Variants in ATP8B4 observed in about 807,000 individuals in gnomAD.
ATP8B4 encodes ATPase phospholipid transporting 8B4 (putative).
ATP8B4 carries 133 observed loss-of-function variants against 145.6 expected under a neutral mutation model. The observed-to-expected ratio is 0.91, with a 90% confidence interval of 0.79 to 1.05. The LOEUF (loss-of-function observed/expected upper bound fraction) is 1.05, where lower values mean the gene tolerates loss of function less well. ATP8B4 is among the 50% of genes least tolerant of loss of function. The pLI is 0.00. For synonymous variants in ATP8B4, 507 were observed against 492.9 expected (o/e 1.03, Z -0.38); for missense variants, 1,458 against 1,425.2 (o/e 1.02, Z -0.37).
rs1467923472 is a variant in ATP8B4 at position 49,859,289 on chromosome 15, C to T, written c.*905G>A. ...AATTTGTTTGGCTTCAATTCTGAAG[C>T]TTTAAAAATTGGAAATGTTGAAAAT... On this transcript the variant is annotated 3_prime_UTR_variant, in exon 28 of 28. Coordinates refer to ENST00000284509, the MANE Select transcript of ATP8B4 (RefSeq NM_024837.4). The T allele has an allele frequency of 3.3e-5, 5 of 152,120 alleles. No homozygotes were observed. The East Asian group carries it at 9.6e-4, about 29-fold the overall frequency. 9.4% of individuals were successfully genotyped at this position (152,120 alleles called of 1,614,324 possible). A position where few individuals can be genotyped will look rare whatever the true frequency, so the allele number is the denominator to read the frequency against.
chr15:49,870,350 C>G (rs542611148), intron 25 of ATP8B4, among the ~76,000 whole-genome samples: 27 of 152,156 alleles, frequency 1.8e-4, no homozygotes, highest in African/African-American at 3.9e-4. Context: ...TGGTCATCAT[C>G]ATAGTAGTTA....
intron 14 of ATP8B4, among the ~76,000 whole-genome samples, chr15:49,937,376 C>G (rs1468442738): frequency 6.6e-6 from 1 of 152,116 alleles, no homozygotes; most frequent in Non-Finnish European, 1.5e-5. Flanking sequence ...AAAATATGTG[C>G]TATGTTTATA....
intron 6 of ATP8B4, among the ~76,000 whole-genome samples, chr15:50,028,887 C>T (rs1007772801): frequency 6.6e-6 from 1 of 152,064 alleles, no homozygotes; most frequent in African/African-American, 2.4e-5. Flanking sequence ...GCTGCTATAA[C>T]ATGTCACCAC....
chr15:50,003,395 C>G (rs1567179570), intron 7 of ATP8B4, among the ~76,000 whole-genome samples: 1 of 151,404 alleles, frequency 6.6e-6, no homozygotes, highest in Non-Finnish European at 1.5e-5. Context: ...TTTGCATTAG[C>G]AAGGCTCTTA....
chr15:49,870,116 C>T (rs2033446623), intron 25 of ATP8B4, among the ~76,000 whole-genome samples: 1 of 152,086 alleles, frequency 6.6e-6, no homozygotes, highest in African/African-American at 2.4e-5. Flanking sequence ...GTATGTTTAT[C>T]AATAGATGAT....
intron 1 of ATP8B4, among the ~76,000 whole-genome samples, chr15:50,136,736 G>A (rs146783537): frequency 6.6e-6 from 1 of 152,254 alleles, no homozygotes; most frequent in East Asian, 1.9e-4. Flanking sequence ...TGGGGCTCTG[G>A]AGTCAGACTG....
At chr15:50,146,876 C>G (rs1187016828) in intron 1 of ATP8B4, among the ~76,000 whole-genome samples, 1 of 152,206 alleles carries the variant, frequency 6.6e-6, no homozygotes, top group Non-Finnish European at 1.5e-5. Context: ...GGAAGAGGAA[C>G]CCTTCTGCAA....
intron 7 of ATP8B4, among the ~76,000 whole-genome samples, chr15:50,007,720 A>G (rs899280412): frequency 6.6e-6 from 1 of 152,096 alleles, no homozygotes; most frequent in East Asian, 1.9e-4. Context: ...TTGCCCCCCG[A>G]ATATAAGCTC....
chr15:50,050,767 T>C (rs2052118908), intron 3 of ATP8B4, among the ~76,000 whole-genome samples: 1 of 152,210 alleles, frequency 6.6e-6, no homozygotes, highest in South Asian at 2.1e-4. Context: ...AAATATGTTT[T>C]ATTTAACCAC....
intron 1 of ATP8B4, among the ~76,000 whole-genome samples, chr15:50,160,310 G>T (rs775528250): frequency 6.6e-6 from 1 of 151,172 alleles, no homozygotes; most frequent in Admixed American, 6.6e-5. Flanking sequence ...CTAAAGATTT[G>T]TGAATTTTAT....
At chr15:50,040,523 G>T (rs776297266) in intron 5 of ATP8B4, among the ~76,000 whole-genome samples, 28 of 152,184 alleles carry the variant, frequency 1.8e-4, no homozygotes, top group Non-Finnish European at 3.4e-4. Context: ...TAATGAACTG[G>T]CACATAACAT....
intron 1 of ATP8B4, among the ~76,000 whole-genome samples, chr15:50,166,316 T>A (rs2044598244): frequency 6.6e-6 from 1 of 152,200 alleles, no homozygotes. Flanking sequence ...GACAAAAATT[T>A]GAATCTCCAT....
chr15:50,112,775 T>G (rs755229369), intron 1 of ATP8B4, among the ~76,000 whole-genome samples: 1 of 151,978 alleles, frequency 6.6e-6, no homozygotes, highest in Non-Finnish European at 1.5e-5. Flanking sequence ...GTTCCCTCCA[T>G]CTCATTTCCA....
At chr15:50,150,236 T>C (rs2044330682) in intron 1 of ATP8B4, among the ~76,000 whole-genome samples, 1 of 152,202 alleles carries the variant, frequency 6.6e-6, no homozygotes. Context: ...AAGTATTTTT[T>C]GCAAAAGGCT....
At chr15:50,039,565 GA>G (rs1220614630) in intron 5 of ATP8B4, among the ~76,000 whole-genome samples, 3 of 151,644 alleles carry the variant, frequency 2.0e-5, no homozygotes, top group Admixed American at 6.6e-5. Context: ...GGCTATAAGA[GA>G]AAAAAAAGTA....
At chr15:49,972,871 T>A (rs1207776581) in intron 12 of ATP8B4, 81 bp from the exon 13 acceptor site, 3 of 1,382,196 alleles carry the variant, frequency 2.2e-6, no homozygotes, top group Non-Finnish European at 2.9e-6. Context: ...AAATAAGAAG[T>A]CTGCCAAAGT....
intron 7 of ATP8B4, among the ~76,000 whole-genome samples, chr15:50,010,252 A>G (rs142012656): frequency 2.6e-5 from 4 of 152,242 alleles, no homozygotes; most frequent in African/African-American, 9.6e-5. Flanking sequence ...AGTTGCATAT[A>G]TTTTAGTGAT....
At chr15:50,028,987 C>A (rs1474400309) in intron 6 of ATP8B4, among the ~76,000 whole-genome samples, 1 of 152,208 alleles carries the variant, frequency 6.6e-6, no homozygotes, top group South Asian at 2.1e-4. Context: ...GTAATCCCAG[C>A]ACTTTGGGAG....
At chr15:49,866,582 G>T (rs2032829031) in intron 25 of ATP8B4, 98 bp from the exon 26 acceptor site, 2 of 1,447,466 alleles carry the variant, frequency 1.4e-6, no homozygotes, top group Non-Finnish European at 1.9e-6. Flanking sequence ...GTGGCAGGAA[G>T]TTTGCACCTG....
Sources: allele counts gnomAD v4.1 joint callset (sites outside exome capture counted in the v4.1 genomes callset), GRCh38; gene constraint gnomAD v4.1.1; transcripts MANE v1.5; gene names NCBI Gene and HGNC (gene_info 2026-07-23, HGNC 2026-07-21).